The following RBFOX1 variants were observed in gnomAD, a reference collection of about 807,000 sequenced individuals.
The protein encoded by RBFOX1 is RNA binding fox-1 homolog 1, also known as RNA binding protein fox-1 homolog 1.
RBFOX1 carries 8 observed loss-of-function variants against 57.7 expected under a neutral mutation model. The ratio of observed to expected loss-of-function variants is 0.14; its 90% CI spans 0.08 to 0.25. The LOEUF is 0.25. Among genes scored for constraint, RBFOX1 ranks in the 10% least tolerant of loss-of-function variants. The probability of loss-of-function intolerance (pLI) is 1.00; values close to 1 mark genes in which losing one functional copy is unlikely to be tolerated. For synonymous variants in RBFOX1, 326 were observed against 222.4 expected (o/e 1.47, Z -4.15); for missense variants, 611 against 548.5 (o/e 1.11, Z -1.14).
intron 3 of RBFOX1, among the ~76,000 whole-genome samples, chr16:5,857,939 C>T (rs1257426553): frequency 6.6e-6 from 1 of 151,858 alleles, no homozygotes; most frequent in Non-Finnish European, 1.5e-5. Context: ...AAAGTGAGAC[C>T]CTGTCTCAAA....
intron 4 of RBFOX1, among the ~76,000 whole-genome samples, chr16:7,063,040 G>A (rs368613408): frequency 2.6e-5 from 4 of 151,020 alleles, no homozygotes; most frequent in African/African-American, 7.3e-5. Flanking sequence ...TTGGTTAAAG[G>A]TTTGCTAAAA....
At chr16:5,938,071 T>G (rs1200442642) in intron 4 of RBFOX1, among the ~76,000 whole-genome samples, 1 of 152,180 alleles carries the variant, frequency 6.6e-6, no homozygotes, top group Non-Finnish European at 1.5e-5. Context: ...TTGCTAACAT[T>G]CTGGCCAAAA....
At chr16:7,621,530 G>C (rs186105062) in intron 10 of RBFOX1, among the ~76,000 whole-genome samples, 1 of 152,212 alleles carries the variant, frequency 6.6e-6, no homozygotes, top group African/African-American at 2.4e-5. Context: ...CCAAAGTGCT[G>C]GGATTACAGG....
chr16:6,649,714 A>T (rs1488687425), intron 2 of RBFOX1, among the ~76,000 whole-genome samples: 1 of 152,202 alleles, frequency 6.6e-6, no homozygotes. Context: ...TTTATGGCTC[A>T]GTAGTATTCC....
intron 3 of RBFOX1, among the ~76,000 whole-genome samples, chr16:6,803,616 C>T (rs1056505346): frequency 6.6e-6 from 1 of 152,124 alleles, no homozygotes; most frequent in African/African-American, 2.4e-5. Context: ...AACAGGATTC[C>T]TAAACCGAAT....
At chr16:6,819,226 C>T (rs1173308020) in intron 3 of RBFOX1, among the ~76,000 whole-genome samples, 1 of 152,156 alleles carries the variant, frequency 6.6e-6, no homozygotes, top group Non-Finnish European at 1.5e-5. Flanking sequence ...GTCTTCATTC[C>T]TGTGGTTGGC....
intron 4 of RBFOX1, among the ~76,000 whole-genome samples, chr16:7,456,922 G>A (rs925882397): frequency 2.0e-5 from 3 of 151,292 alleles, no homozygotes; most frequent in Admixed American, 6.6e-5. Flanking sequence ...ACGGAGTTTC[G>A]CTCTTGTTGC....
chr16:6,057,724 A>T (rs1341758992), intron 1 of RBFOX1, among the ~76,000 whole-genome samples: 2 of 150,418 alleles, frequency 1.3e-5, no homozygotes. Flanking sequence ...GAGTGCAAGG[A>T]TTATCTCCTG....
intron 2 of RBFOX1, among the ~76,000 whole-genome samples, chr16:6,465,993 C>T (rs1266919953): frequency 6.6e-6 from 1 of 151,964 alleles, no homozygotes; most frequent in Non-Finnish European, 1.5e-5. Context: ...TATTGAGAGG[C>T]TGAGGTGGGT....
chr16:5,737,524 ATTT>A (rs35288763), intron 3 of RBFOX1, among the ~76,000 whole-genome samples: 41 of 128,250 alleles, frequency 3.2e-4, no homozygotes, highest in Non-Finnish European at 3.8e-4. Context: ...AATATTCTGG[ATTT>A]TTTTTTTTTT....
chr16:6,704,286 T>G (rs1461311663), intron 3 of RBFOX1: 1 of 152,172 alleles, frequency 6.6e-6, no homozygotes, highest in Non-Finnish European at 1.5e-5. Flanking sequence ...CACAGAGATA[T>G]GCAATGCTAC....
chr16:5,572,082 G>T lies in RBFOX1; in HGVS notation c.259-26820G>T, dbSNP rs76183221. Among the ~76,000 whole-genome samples, 1,442 of 152,142 alleles carry T rather than the reference G, an allele frequency of 9.5e-3. 27 individuals carry two copies. Among genetic ancestry groups the T allele is most frequent in the African/African-American group, 0.033 (1,375 of 41,528 alleles). ...GAACAAGCTCTGCAGCACATCTCAG[G>T]TGTTTGCTCTTTCCCTTGTGGTCCC... On this transcript the variant is annotated intron_variant, in intron 2 of 2. Coordinates refer to the RBFOX1 transcript ENST00000585867.
At chr16:7,287,978 A>ACAC (rs527280252) in intron 4 of RBFOX1, among the ~76,000 whole-genome samples, 20 of 152,304 alleles carry the variant, frequency 1.3e-4, no homozygotes, top group South Asian at 1.0e-3. Context: ...CTGGCTGTTG[A>ACAC]ACGAAAAATC....
At chr16:6,803,066 TTGTG>T (rs891493979) in intron 3 of RBFOX1, among the ~76,000 whole-genome samples, 1 of 152,160 alleles carries the variant, frequency 6.6e-6, no homozygotes, top group African/African-American at 2.4e-5. Context: ...AAATGTTACT[TTGTG>T]TGTGTGTTTA....
intron 4 of RBFOX1, among the ~76,000 whole-genome samples, chr16:7,499,493 A>G (rs938917097): frequency 2.0e-5 from 3 of 152,224 alleles, no homozygotes; most frequent in African/African-American, 7.2e-5. Context: ...AATTCAACCA[A>G]TAACAGTATG....
intron 4 of RBFOX1, among the ~76,000 whole-genome samples, chr16:7,425,675 G>C (rs1181802691): frequency 2.6e-5 from 4 of 152,102 alleles, no homozygotes. Flanking sequence ...AATAAGCTTG[G>C]AAAATAGAAG....
intron 4 of RBFOX1, among the ~76,000 whole-genome samples, chr16:7,267,087 A>G (rs2095172564): frequency 1.3e-5 from 2 of 152,194 alleles, no homozygotes; most frequent in Non-Finnish European, 2.9e-5. Flanking sequence ...AGTAGCTCCC[A>G]CTGTGGAGAG....
chr16:6,820,759 T>C (rs965486536), intron 3 of RBFOX1, among the ~76,000 whole-genome samples: 3 of 152,166 alleles, frequency 2.0e-5, no homozygotes, highest in African/African-American at 4.8e-5. Flanking sequence ...CTCAAATCGA[T>C]GCTAAGTCAG....
intron 1 of RBFOX1, among the ~76,000 whole-genome samples, chr16:6,078,078 G>T (rs1367441940): frequency 6.6e-6 from 1 of 152,132 alleles, no homozygotes; most frequent in African/African-American, 2.4e-5. Context: ...GCTCATCTTT[G>T]TCTAATCTTT....
Sources: gnomAD v4.1 joint callset for allele counts (sites outside exome capture counted in the v4.1 genomes callset) on GRCh38, gnomAD v4.1.1 for gene constraint, MANE v1.5 for transcripts, NCBI Gene and HGNC (gene_info 2026-07-23, HGNC 2026-07-21) for gene names.